Variants in RFX7 observed in about 807,000 individuals in gnomAD.
The protein encoded by RFX7 is regulatory factor X7.
Under a neutral mutation model 111.8 loss-of-function variants are expected in RFX7, and 26 were observed. That is an observed-to-expected ratio of 0.23 (90% CI 0.17 to 0.32). The LOEUF (loss-of-function observed/expected upper bound fraction) is 0.32. Among genes scored for constraint, RFX7 ranks in the 10% least tolerant of loss-of-function variants. RFX7 has a pLI of 1.00. For missense variants in RFX7, 1,573 were observed against 1,772.9 expected, an observed-to-expected ratio of 0.89 and a Z score of 2.02; for synonymous variants, 624 against 624.4, an observed-to-expected ratio of 1.00 and a Z score of 0.01.
intron 5 of RFX7, among the ~76,000 whole-genome samples, chr15:56,114,883 C>T (rs1354399287): frequency 3.9e-5 from 6 of 152,116 alleles, no homozygotes; most frequent in African/African-American, 1.4e-4. Context: ...TTTATGAAGT[C>T]ATCTGATAAA....
chr15:56,122,634 C>T (rs1219852046), intron 5 of RFX7, among the ~76,000 whole-genome samples: 1 of 152,186 alleles, frequency 6.6e-6, no homozygotes, highest in Non-Finnish European at 1.5e-5. Flanking sequence ...TGAGTTGCCC[C>T]AGACCCCAGA....
intron 5 of RFX7, among the ~76,000 whole-genome samples, chr15:56,118,484 G>A (rs1377306690): frequency 6.6e-6 from 1 of 152,140 alleles, no homozygotes; most frequent in Non-Finnish European, 1.5e-5. Context: ...TCAACATAGT[G>A]ACCTCCAGTT....
At chr15:56,155,404 C>A (rs1318753926) in intron 3 of RFX7, among the ~76,000 whole-genome samples, 1 of 152,046 alleles carries the variant, frequency 6.6e-6, no homozygotes, top group Non-Finnish European at 1.5e-5. Context: ...GAAAATGTGG[C>A]ACATATACAC....
intron 2 of RFX7, among the ~76,000 whole-genome samples, chr15:56,215,305 TAC>T (rs1243662179): frequency 6.6e-6 from 1 of 152,228 alleles, no homozygotes; most frequent in East Asian, 1.9e-4. Flanking sequence ...AACCCACAGA[TAC>T]AGAGGGCTGA....
Position 56,142,859 on chromosome 15 carries a change from T to G in RFX7, c.320A>C (p.His107Pro). Residue 107 changes from histidine (H) to proline (P), a missense_variant, in exon 5 of 10, where the codon CAT becomes CCT. Coordinates refer to ENST00000559447, the MANE Select transcript of RFX7 (RefSeq NM_022841.7). ...GGTATTCCGAATCCAGGAAAAGGCA[T>G]GCATTTGTTGTGCCCGACTAGATGA... ...AMSSSRAQQM[H>P]AFSWIRNTLE... 1.2e-6 allele frequency: 2 copies of G among 1,613,684 alleles called. No individual in the cohort carries two copies. Among genetic ancestry groups the G allele is most frequent in the South Asian group, 2.2e-5 (2 of 91,028 alleles).
intron 2 of RFX7, among the ~76,000 whole-genome samples, chr15:56,184,596 A>G (rs191775604): frequency 7.2e-5 from 11 of 152,212 alleles, no homozygotes; most frequent in Admixed American, 1.3e-4. Flanking sequence ...TTCTCTATCA[A>G]TTTAAGGCAC....
At position 56,119,456 on chromosome 15, in the gene RFX7, G is replaced by C. The variant is rs1041938704; in HGVS notation, c.402-15786C>G. On this transcript the variant is annotated intron_variant, in intron 5 of 9. Coordinates refer to ENST00000559447, the MANE Select transcript of RFX7 (RefSeq NM_022841.7). ...ATTGAAGAAACCATGTATTTCCCCAGTGTATGCTTATGGCATCTTTGTTGA... is the reference window on the plus strand; with the variant it reads ...ATTGAAGAAACCATGTATTTCCCCACTGTATGCTTATGGCATCTTTGTTGA... Among the ~76,000 whole-genome samples the C allele has an allele frequency of 2.0e-5, 3 of 152,206 alleles. No homozygotes were observed. The South Asian group carries it at 6.2e-4, about 32-fold the overall frequency.
chr15:56,155,309 G>A (rs759744847), intron 3 of RFX7, among the ~76,000 whole-genome samples: 2 of 152,050 alleles, frequency 1.3e-5, no homozygotes, highest in Non-Finnish European at 2.9e-5. Context: ...AAAGGCACAT[G>A]CACACGTATG....
At chr15:56,161,659 GT>G in intron 3 of RFX7, among the ~76,000 whole-genome samples, 1 of 152,058 alleles carries the variant, frequency 6.6e-6, no homozygotes, top group Admixed American at 6.5e-5. Flanking sequence ...GAACTTAATA[GT>G]AAAAAAGGAA....
At chr15:56,172,174 G>C (rs1425539323) in intron 3 of RFX7, among the ~76,000 whole-genome samples, 1 of 152,194 alleles carries the variant, frequency 6.6e-6, no homozygotes, top group Non-Finnish European at 1.5e-5. Flanking sequence ...ATATTCAGCA[G>C]TGAGGGGTCA....
rs1181213533 is a variant in RFX7, at chr15:56,095,184, T to C, written c.2544A>G (p.Gln848=). The change falls in exon 10 of 10, where the codon CAA becomes CAG. Residue 848 remains glutamine (Q), a synonymous_variant. Transcript: ENST00000559447. The stretch of plus-strand genomic sequence containing the variant: ...GAGGTAACTGATCTGAAGAATGTGC[T>C]TGTATTTGATTTAAAGAAGATTCCT... ...QIQESSLNQI[Q]AHSSDQLPLQ... is the part of the protein sequence containing the mutation. 1.2e-6 allele frequency: 2 copies of C among 1,613,830 alleles called. No individual in the cohort carries two copies. The highest frequency in any genetic ancestry group is 1.7e-5 in the Admixed American group (1 of 59,998).
intron 3 of RFX7, among the ~76,000 whole-genome samples, chr15:56,166,308 T>C (rs1017749190): frequency 3.9e-5 from 6 of 152,238 alleles, no homozygotes; most frequent in Admixed American, 1.3e-4. Context: ...CTAAATGTTA[T>C]TTAATTTTAC....
chr15:56,212,055 T>C (rs1295261091), intron 2 of RFX7, among the ~76,000 whole-genome samples: 1 of 152,108 alleles, frequency 6.6e-6, no homozygotes, highest in Non-Finnish European at 1.5e-5. Context: ...CGAAAACTGG[T>C]ACACGTTTTT....
chr15:56,183,532 T>C (rs2043000067), intron 2 of RFX7, among the ~76,000 whole-genome samples: 1 of 152,194 alleles, frequency 6.6e-6, no homozygotes. Flanking sequence ...TGTACACGCT[T>C]GAATCTTTTT....
At chr15:56,125,604 T>TGTGA (rs1214228636) in intron 5 of RFX7, among the ~76,000 whole-genome samples, 76 of 87,534 alleles carry the variant, frequency 8.7e-4, no homozygotes, top group African/African-American at 3.1e-3. Context: ...TTCTTCTGTG[T>TGTGA]GTGTGAGTGT....
chr15:56,160,509 A>C (rs1440838559), intron 3 of RFX7, among the ~76,000 whole-genome samples: 2 of 152,072 alleles, frequency 1.3e-5, no homozygotes, highest in African/African-American at 4.8e-5. Context: ...TCTGCCCTTG[A>C]TTTAAGCTTC....
At chr15:56,114,429 A>AAAC (rs200972511) in intron 5 of RFX7, among the ~76,000 whole-genome samples, 1 of 149,768 alleles carries the variant, frequency 6.7e-6, no homozygotes, top group African/African-American at 2.4e-5. Context: ...AAAAAAAAAC[A>AAAC]AACAACAACA....
rs1364683309 is a variant in RFX7 at position 56,087,430 on chromosome 15, T to C, written c.*5915A>G. Reference sequence around the variant, plus strand: ...CTCAATCATCCTCAGCATGTGTCTTTAACATGAAGTCCAGGAGGGCTGCTT... The same window carrying C: ...CTCAATCATCCTCAGCATGTGTCTTCAACATGAAGTCCAGGAGGGCTGCTT... On this transcript the variant is annotated 3_prime_UTR_variant, in exon 10 of 10. Transcript: ENST00000559447. 2.2e-6 allele frequency: 1 copy of C among 456,700 alleles called. No individual in the cohort carries two copies. The allele number at this position is 456,700 out of a possible 1,614,324, so 28.3% of individuals were successfully genotyped here. A position where few individuals can be genotyped will look rare whatever the true frequency, so the allele number is the denominator to read the frequency against.
intron 3 of RFX7, among the ~76,000 whole-genome samples, chr15:56,151,240 C>T (rs982884427): frequency 1.3e-5 from 2 of 151,980 alleles, no homozygotes; most frequent in East Asian, 1.9e-4. Context: ...GAAGAGCAAC[C>T]CCAAGACACA....
Sources: gnomAD v4.1 joint callset for allele counts (sites outside exome capture counted in the v4.1 genomes callset) on GRCh38, gnomAD v4.1.1 for gene constraint, MANE v1.5 for transcripts, NCBI Gene and HGNC (gene_info 2026-07-23, HGNC 2026-07-21) for gene names.